HSF2BP: variants seen among roughly 807,000 people sequenced by gnomAD.
HSF2BP encodes heat shock transcription factor 2 binding protein, also known as heat shock factor 2-binding protein.
A neutral mutation model predicts 35.0 loss-of-function variants in HSF2BP; 35 were observed. The ratio of observed to expected loss-of-function variants is 1.00; its 90% CI spans 0.76 to 1.32. The LOEUF (loss-of-function observed/expected upper bound fraction) is 1.32. HSF2BP is among the 40% of genes most tolerant of loss of function. The probability of loss-of-function intolerance (pLI) is 0.00; values close to 1 mark genes in which losing one functional copy is unlikely to be tolerated. For missense variants in HSF2BP, 326 were observed against 321.7 expected (o/e 1.01, Z -0.10); for synonymous variants, 114 against 117.4 (o/e 0.97, Z 0.18).
chr21:43,594,585 A>G (rs1415106277), intron 7 of HSF2BP, among the ~76,000 whole-genome samples: 1 of 152,204 alleles, frequency 6.6e-6, no homozygotes, highest in Non-Finnish European at 1.5e-5. Flanking sequence ...TAGAAGAATA[A>G]AATGAACTCA....
intron 4 of HSF2BP, among the ~76,000 whole-genome samples, chr21:43,635,558 A>G (rs530666897): frequency 8.5e-5 from 13 of 152,296 alleles, no homozygotes; most frequent in Non-Finnish European, 1.8e-4. Context: ...TGGAAAAAGG[A>G]TAGTCTTTTC....
intron 4 of HSF2BP, among the ~76,000 whole-genome samples, chr21:43,641,573 C>G (rs1367768610): frequency 6.6e-6 from 1 of 152,162 alleles, no homozygotes; most frequent in East Asian, 1.9e-4. Context: ...ATTTGGGTTC[C>G]ATACTTTGTT....
At position 43,592,193 on chromosome 21, in the gene HSF2BP, C is replaced by A. The variant is rs746588086; in HGVS notation, c.796+32G>T. ...AGGGAGGACTACTGCATAACCCGTA[C>A]AAGCAGCTGGACAGATAACCACCCC... On this transcript the variant is annotated intron_variant, in intron 8 of 8. Coordinates refer to ENST00000291560, the MANE Select transcript of HSF2BP (RefSeq NM_007031.2). 4 of 1,434,330 alleles carry A rather than the reference C, an allele frequency of 2.8e-6. No homozygotes were observed. In the South Asian group the frequency reaches 4.6e-5, roughly 16 times the overall value. The allele number at this position is 1,434,330 out of a possible 1,614,324, so 88.9% of individuals were successfully genotyped here.
chr21:43,635,205 G>C (rs575950924), intron 4 of HSF2BP, among the ~76,000 whole-genome samples: 3 of 152,124 alleles, frequency 2.0e-5, no homozygotes, highest in Admixed American at 6.5e-5. Context: ...AGAAAGTAGA[G>C]CTAAATAAAG....
intron 8 of HSF2BP, among the ~76,000 whole-genome samples, chr21:43,574,364 CT>C (rs113806687): frequency 3.6e-4 from 53 of 147,000 alleles, no homozygotes; most frequent in Admixed American, 4.1e-4. Flanking sequence ...TTCTTTTTCT[CT>C]TTTTTTTTTT....
chr21:43,603,504 G>A (rs746861191), intron 7 of HSF2BP, among the ~76,000 whole-genome samples: 1 of 152,216 alleles, frequency 6.6e-6, no homozygotes, highest in Non-Finnish European at 1.5e-5. Context: ...CTGAACTGCC[G>A]CAGCCTTGGC....
chr21:43,612,873 T>C (rs1008294133), intron 7 of HSF2BP, among the ~76,000 whole-genome samples: 1 of 152,048 alleles, frequency 6.6e-6, no homozygotes, highest in African/African-American at 2.4e-5. Flanking sequence ...ACAGTGTGAG[T>C]GGCAGAATCC....
At chr21:43,623,125 A>T (rs2082350245) in intron 6 of HSF2BP, among the ~76,000 whole-genome samples, 1 of 152,182 alleles carries the variant, frequency 6.6e-6, no homozygotes, top group African/African-American at 2.4e-5. Flanking sequence ...TCTGACCACA[A>T]TACAATAAAA....
chr21:43,636,894 C>CAAAAAAAAAAAAAAAAA (rs34578952), intron 4 of HSF2BP, among the ~76,000 whole-genome samples: 1 of 112,042 alleles, frequency 8.9e-6, no homozygotes, highest in Non-Finnish European at 1.8e-5. Flanking sequence ...CGTCTCAAAA[C>CAAAAAAAAAAAAAAAAA]AAAAAAAAAA....
In HSF2BP at chr21:43,633,195, T is replaced by A. The variant is rs1006628243; in HGVS notation, c.441+77A>T. ...GAAAGATATGGACTTAGTCTTTAAA[T>A]GCCTTAATAAGCTATATGCTCTAAT... On this transcript the variant is annotated intron_variant, in intron 5 of 8. Transcript: ENST00000291560. 4.8e-6 allele frequency: 7 copies of A among 1,446,736 alleles called. No individual in the cohort carries two copies. The Admixed American group carries it at 1.4e-4, about 29-fold the overall frequency. 89.6% of individuals were successfully genotyped at this position (1,446,736 alleles called of 1,614,324 possible).
chr21:43,600,505 C>T (rs1214065989), intron 7 of HSF2BP, among the ~76,000 whole-genome samples: 1 of 152,182 alleles, frequency 6.6e-6, no homozygotes, highest in African/African-American at 2.4e-5. Flanking sequence ...AGCAATATTA[C>T]ATTTTTAGAC....
intron 3 of HSF2BP, among the ~76,000 whole-genome samples, chr21:43,647,940 A>AAAAAAAAAAAAAC (rs1568941405): frequency 2.7e-5 from 4 of 146,018 alleles, no homozygotes; most frequent in African/African-American, 2.5e-5. Context: ...AAAAAAAAAA[A>AAAAAAAAAAAAAC]AAAAAAAAAA....
intron 8 of HSF2BP, among the ~76,000 whole-genome samples, chr21:43,576,571 A>G (rs1307233418): frequency 3.3e-5 from 5 of 152,224 alleles, no homozygotes; most frequent in Admixed American, 6.5e-5. Flanking sequence ...ACTATATAGA[A>G]GGCAACCCTC....
intron 7 of HSF2BP, among the ~76,000 whole-genome samples, chr21:43,604,885 TAC>T (rs1362709233): frequency 2.7e-5 from 2 of 74,168 alleles, no homozygotes; most frequent in Non-Finnish European, 5.5e-5. Flanking sequence ...CACCATACAC[TAC>T]ACACCACACA....
At chr21:43,501,465 C>T in the HSF2BP span, among the ~76,000 whole-genome samples, 6 of 52,028 alleles carry the variant, frequency 1.2e-4, 1 homozygote, top group African/African-American at 1.3e-4. Context: ...CACAGTGGCA[C>T]GATCTCGGCT....
chr21:43,619,309 C>T (rs2082306444), intron 6 of HSF2BP, among the ~76,000 whole-genome samples: 1 of 152,120 alleles, frequency 6.6e-6, no homozygotes, highest in African/African-American at 2.4e-5. Flanking sequence ...ATTACAAATA[C>T]CTCTTACAAC....
chr21:43,584,228 A>G (rs2081815995), intron 8 of HSF2BP, among the ~76,000 whole-genome samples: 1 of 151,966 alleles, frequency 6.6e-6, no homozygotes, highest in African/African-American at 2.4e-5. Flanking sequence ...GGACATGAAG[A>G]CCTGATGAGG....
At chr21:43,653,192 A>C (rs2082815934) in intron 3 of HSF2BP, among the ~76,000 whole-genome samples, 1 of 15,888 alleles carries the variant, frequency 6.3e-5, no homozygotes, top group Non-Finnish European at 1.0e-4. Context: ...AAGGGAAAGG[A>C]AGGGAAGGGG....
intron 8 of HSF2BP, among the ~76,000 whole-genome samples, chr21:43,587,918 C>G (rs2081876238): frequency 6.6e-6 from 1 of 152,086 alleles, no homozygotes; most frequent in African/African-American, 2.4e-5. Flanking sequence ...TCCGGAGGAC[C>G]AGAGCTAAAA....
Sources: gnomAD v4.1 joint callset for allele counts (sites outside exome capture counted in the v4.1 genomes callset) on GRCh38, gnomAD v4.1.1 for gene constraint, MANE v1.5 for transcripts, NCBI Gene and HGNC (gene_info 2026-07-23, HGNC 2026-07-21) for gene names.